The following ELMO1 variants were observed in gnomAD, a reference collection of about 807,000 sequenced individuals.
The protein encoded by ELMO1 is engulfment and cell motility 1.
In ELMO1, 26 loss-of-function variants were observed where a neutral mutation model predicts 98.9. That is an observed-to-expected ratio of 0.26 (90% CI 0.19 to 0.36). The LOEUF is 0.36. Among genes scored for constraint, ELMO1 ranks in the 10% least tolerant of loss-of-function variants. The probability of loss-of-function intolerance (pLI) is 1.00; values close to 1 mark genes in which losing one functional copy is unlikely to be tolerated. For missense variants in ELMO1, 627 were observed against 935.2 expected, an observed-to-expected ratio of 0.67 and a Z score of 4.30; for synonymous variants, 346 against 346.0, an observed-to-expected ratio of 1.00 and a Z score of 0.00.
At chr7:37,259,050 A>C in intron 6 of ELMO1, 131 bp downstream of exon 6, 4 of 1,094,610 alleles carry the variant, frequency 3.7e-6, no homozygotes, top group Non-Finnish European at 3.7e-6. Context: ...TATCTTAAAA[A>C]CTATTTTTTT....
chr7:36,887,568 C>T lies in ELMO1; in HGVS notation c.1706G>A (p.Arg569Gln), dbSNP rs1236299944. The stretch of plus-strand genomic sequence containing the variant: ...GTCCCCAGAAACAATACCTTGCCTC[C>T]GCCGGGCATTGAGTTTCCTAAAGCA... ...GTCFRKLNAR[R>Q]RQDKFWYCRL... The change falls in exon 18 of 22, where the codon CGG becomes CAG. Residue 569 changes from arginine to glutamine, a missense_variant. Arg to Gln is a conservative substitution (Grantham distance 43, BLOSUM62 1). This residue lies in a region of ELMO1 where 492 missense variants were observed against 715.6 expected (regional missense o/e 0.69). Coordinates refer to ENST00000310758, the MANE Select transcript of ELMO1 (RefSeq NM_014800.11). 1.2e-6 allele frequency: 2 copies of T among 1,613,908 alleles called. No homozygotes were observed. The highest frequency in any genetic ancestry group is 1.7e-6 in the Non-Finnish European group (2 of 1,179,908).
At chr7:36,896,952 A>G (rs1199434525) in intron 16 of ELMO1, among the ~76,000 whole-genome samples, 1 of 152,194 alleles carries the variant, frequency 6.6e-6, no homozygotes, top group African/African-American at 2.4e-5. Context: ...GATATAGTGA[A>G]AAGAATACCA....
intron 15 of ELMO1, among the ~76,000 whole-genome samples, chr7:37,028,799 C>T (rs994541980): frequency 3.9e-5 from 6 of 152,160 alleles, no homozygotes; most frequent in Admixed American, 6.5e-5. Flanking sequence ...CCAGGCTGTA[C>T]ATTCTGATTT....
chr7:37,079,599 G>A lies in ELMO1; in HGVS notation c.1300+17020C>T, dbSNP rs537691622. 6.6e-5 allele frequency among the ~76,000 whole-genome samples: 10 copies of A among 151,972 alleles called. No homozygotes were observed. The East Asian group carries it at 1.4e-3, about 21-fold the overall frequency. On this transcript the variant is annotated intron_variant, in intron 15 of 21. Coordinates refer to ENST00000310758, the MANE Select transcript of ELMO1 (RefSeq NM_014800.11). ...GTTGGGCTCTCTCCTCCCCCACTCC[G>A]GTGAAATCACTCTTGTTCAGGTCAC... is the stretch of plus-strand genomic sequence containing the variant.
At chr7:37,133,677 C>T (rs1221339058) in intron 13 of ELMO1, among the ~76,000 whole-genome samples, 1 of 152,154 alleles carries the variant, frequency 6.6e-6, no homozygotes, top group Admixed American at 6.5e-5. Context: ...CGCATCCTTA[C>T]GTGGGAGGTT....
chr7:37,017,041 T>C (rs961928579), intron 15 of ELMO1, among the ~76,000 whole-genome samples: 1 of 152,232 alleles, frequency 6.6e-6, no homozygotes, highest in African/African-American at 2.4e-5. Context: ...CACCTATTAA[T>C]GCTGATGTAT....
intron 7 of ELMO1, among the ~76,000 whole-genome samples, chr7:37,235,389 T>G (rs1040112149): frequency 6.6e-6 from 1 of 152,182 alleles, no homozygotes; most frequent in African/African-American, 2.4e-5. Flanking sequence ...GCATGAGCAG[T>G]AAGCAAAATT....
intron 1 of ELMO1, among the ~76,000 whole-genome samples, chr7:37,346,601 G>A (rs1801021554): frequency 6.6e-6 from 1 of 152,172 alleles, no homozygotes; most frequent in Non-Finnish European, 1.5e-5. Context: ...CATTACTTCA[G>A]TTCGACATCC....
At chr7:37,056,781 G>A (rs1418015624) in intron 15 of ELMO1, among the ~76,000 whole-genome samples, 1 of 152,154 alleles carries the variant, frequency 6.6e-6, no homozygotes, top group Admixed American at 6.5e-5. Context: ...CATACTCAGG[G>A]CAAGAACAGG....
intron 16 of ELMO1, among the ~76,000 whole-genome samples, chr7:36,899,080 A>C (rs987186509): frequency 6.6e-6 from 1 of 152,182 alleles, no homozygotes; most frequent in African/African-American, 2.4e-5. Context: ...AGGGGGAAGG[A>C]GAACATAGCC....
At chr7:37,058,528 G>C (rs1796507926) in intron 15 of ELMO1, among the ~76,000 whole-genome samples, 1 of 152,148 alleles carries the variant, frequency 6.6e-6, no homozygotes. Flanking sequence ...AGGAAAAGGA[G>C]GGAATCTGTC....
chr7:36,921,834 G>A (rs911055408), intron 16 of ELMO1, among the ~76,000 whole-genome samples: 1 of 152,134 alleles, frequency 6.6e-6, no homozygotes. Context: ...ATCTCACCTG[G>A]GGCATTTGCT....
rs566236838 is a variant in ELMO1 at position 37,188,409 on chromosome 7, TACACACACACAC to T, written c.1086+22965_1086+22976del. ...TTAACATACAGACTGTGCTTCTTGTTACACACACACACACACACACACACACACACACACACA... is the reference window on the plus strand; with the variant it reads ...TTAACATACAGACTGTGCTTCTTGTTACACACACACACACACACACACACA... On this transcript the variant is annotated intron_variant, in intron 13 of 21. Transcript: ENST00000310758. Among the ~76,000 whole-genome samples the T allele has an allele frequency of 9.2e-3, 1,061 of 115,836 alleles. 12 individuals carry two copies. Among genetic ancestry groups the T allele is most frequent in the African/African-American group, 0.025 (696 of 28,084 alleles). The allele number at this position is 115,836 out of a possible 152,430, so 76.0% of individuals were successfully genotyped here.
chr7:36,992,031 T>C (rs891860974), intron 16 of ELMO1, among the ~76,000 whole-genome samples: 2 of 152,222 alleles, frequency 1.3e-5, no homozygotes, highest in African/African-American at 4.8e-5. Flanking sequence ...CCAAGCATCC[T>C]AAGGCTGAGT....
At chr7:37,041,651 TA>T (rs1795515090) in intron 15 of ELMO1, among the ~76,000 whole-genome samples, 1 of 151,890 alleles carries the variant, frequency 6.6e-6, no homozygotes, top group African/African-American at 2.4e-5. Flanking sequence ...TGCATAAATT[TA>T]AATTGAAGTC....
At chr7:37,205,214 C>CAAA (rs1792547252) in intron 13 of ELMO1, among the ~76,000 whole-genome samples, 1 of 152,228 alleles carries the variant, frequency 6.6e-6, no homozygotes, top group Non-Finnish European at 1.5e-5. Flanking sequence ...ATAGTAGACT[C>CAAA]TTCTTATTTG....
chr7:37,296,077 C>G (rs916538927), intron 4 of ELMO1, among the ~76,000 whole-genome samples: 1 of 152,208 alleles, frequency 6.6e-6, no homozygotes, highest in African/African-American at 2.4e-5. Flanking sequence ...GATCAGGAGT[C>G]TAGCACCTTT....
intron 13 of ELMO1, among the ~76,000 whole-genome samples, chr7:37,146,630 T>C (rs1788006783): frequency 1.3e-5 from 2 of 152,160 alleles, no homozygotes; most frequent in South Asian, 2.1e-4. Context: ...GTCCCAAAGA[T>C]CCTTACAAGT....
At chr7:37,361,935 C>G (rs1442972195) in intron 1 of ELMO1, among the ~76,000 whole-genome samples, 1 of 152,126 alleles carries the variant, frequency 6.6e-6, no homozygotes, top group Admixed American at 6.5e-5. Flanking sequence ...ACACTCCAGC[C>G]TGGGAGACAG....
Sources: gnomAD v4.1 joint callset for allele counts (sites outside exome capture counted in the v4.1 genomes callset) on GRCh38, gnomAD v4.1.1 for gene constraint, gnomAD v4.1.1 regional missense constraint, MANE v1.5 for transcripts, NCBI Gene and HGNC (gene_info 2026-07-23, HGNC 2026-07-21) for gene names.